Variants in TAS1R1 observed in about 807,000 individuals in gnomAD.
TAS1R1 encodes the protein taste receptor type 1 member 1.
A neutral mutation model predicts 45.8 loss-of-function variants in TAS1R1; 31 were observed. The ratio of observed to expected loss-of-function variants is 0.68; its 90% CI spans 0.51 to 0.91. The LOEUF (loss-of-function observed/expected upper bound fraction) is 0.91, where lower values mean the gene tolerates loss of function less well. TAS1R1 is among the 40% of genes least tolerant of loss of function. The probability of loss-of-function intolerance (pLI) is 0.00; values close to 1 mark genes in which losing one functional copy is unlikely to be tolerated. For missense variants in TAS1R1, 1,051 were observed against 1,063.9 expected, an observed-to-expected ratio of 0.99 and a Z score of 0.17; for synonymous variants, 437 against 448.4, an observed-to-expected ratio of 0.97 and a Z score of 0.32.
At chr1:6,559,836 G>A (rs556287539) in intron 1 of TAS1R1, among the ~76,000 whole-genome samples, 48 of 151,004 alleles carry the variant, frequency 3.2e-4, no homozygotes, top group African/African-American at 8.8e-4. Context: ...CTAAAAGTAC[G>A]AAAATGAGCT....
chr1:6,564,244 G>A (rs765520031), intron 1 of TAS1R1, among the ~76,000 whole-genome samples: 4 of 152,302 alleles, frequency 2.6e-5, no homozygotes, highest in African/African-American at 7.2e-5. Context: ...CCTGGGGCTG[G>A]TTGGGTTAAG....
chr1:6,562,411 A>C lies in TAS1R1; in HGVS notation c.191+6847A>C, dbSNP rs146592081. On this transcript the variant is annotated intron_variant, in intron 1 of 5. Transcript: ENST00000333172. The stretch of plus-strand genomic sequence containing the variant: ...TCTCAATCTCCCAACCTAGTGATCC[A>C]CTCGCCTCGGCCTCCCAAAGTGCTG... 3.5e-3 allele frequency among the ~76,000 whole-genome samples: 539 copies of C among 151,920 alleles called. 5 individuals carry two copies. In the East Asian group the frequency reaches 0.036, roughly 10 times the overall value.
At position 6,579,445 on chromosome 1, in the gene TAS1R1, G is replaced by C. The variant is rs1640320011; in HGVS notation, c.2387G>C (p.Gly796Ala). 2 of 1,614,048 alleles carry C rather than the reference G, an allele frequency of 1.2e-6. No homozygotes were observed. Among genetic ancestry groups the C allele is most frequent in the Non-Finnish European group, 1.7e-6 (2 of 1,180,040 alleles). ...KYLPAANMMA[G>A]LSSLSSGFGG... The stretch of plus-strand genomic sequence containing the variant: ...CTGCCTGCGGCCAACATGATGGCTG[G>C]GCTGAGCAGCCTGAGCAGCGGCTTC... The change falls in exon 6 of 6, where the codon GGG becomes GCG. Residue 796 changes from glycine (G) to alanine (A), a missense_variant. Coordinates refer to ENST00000333172, the MANE Select transcript of TAS1R1 (RefSeq NM_138697.4).
chr1:6,567,336 G>A (rs534858652), intron 1 of TAS1R1, among the ~76,000 whole-genome samples: 42 of 152,028 alleles, frequency 2.8e-4, no homozygotes, highest in African/African-American at 8.9e-4. Context: ...TGAGACGGGC[G>A]GATCATGAGG....
In TAS1R1 at chr1:6,579,312, T is replaced by C. The variant is rs143008193; in HGVS notation, c.2254T>C (p.Leu752=). 1 of 1,614,222 alleles carries C rather than the reference T, an allele frequency of 6.2e-7. No homozygotes were observed. Among genetic ancestry groups the C allele is most frequent in the Non-Finnish European group, 8.5e-7 (1 of 1,180,052 alleles). The change falls in exon 6 of 6, where the codon TTG becomes CTG. Residue 752 remains leucine, a synonymous_variant. Coordinates refer to ENST00000333172, the MANE Select transcript of TAS1R1 (RefSeq NM_138697.4). ...TGCCTGCAGCTACCTGGGTAAGGAC[T>C]TGCCAGAGAACTACAACGAGGCCAA... ...AFACSYLGKD[L]PENYNEAKCV...
At chr1:6,569,163 G>C (rs1184183952) in intron 1 of TAS1R1, among the ~76,000 whole-genome samples, 1 of 151,962 alleles carries the variant, frequency 6.6e-6, no homozygotes, top group African/African-American at 2.4e-5. Context: ...TGGGGGATTG[G>C]GGTGGTTTAA....
In TAS1R1 at chr1:6,579,195, C is replaced by T; in HGVS notation, c.2137C>T (p.Pro713Ser). 6.2e-7 allele frequency: 1 copy of T among 1,614,188 alleles called. No homozygotes were observed. The highest frequency in any genetic ancestry group is 1.1e-5 in the South Asian group (1 of 91,086). ...GCCTGCTAGGGAATACCAGCGCTTC[C>T]CCCATCTGGTGATGCTTGAGTGCAC... ...PLPAREYQRF[P>S]HLVMLECTET... The change falls in exon 6 of 6, where the codon CCC becomes TCC. Residue 713 changes from proline to serine, a missense_variant. Transcript: ENST00000333172.
intron 1 of TAS1R1, among the ~76,000 whole-genome samples, chr1:6,570,444 C>CAA (rs35825229): frequency 2.4e-3 from 241 of 98,412 alleles, no homozygotes; most frequent in South Asian, 0.013. Context: ...TAACACATCT[C>CAA]AAAAAAAAAA....
chr1:6,565,398 G>A (rs886086967), intron 1 of TAS1R1, among the ~76,000 whole-genome samples: 7 of 152,092 alleles, frequency 4.6e-5, no homozygotes, highest in Admixed American at 1.3e-4. Flanking sequence ...TAGGGTGGCC[G>A]CTGCTGCTAG....
chr1:6,564,918 G>C lies in TAS1R1; in HGVS notation c.192-5991G>C, dbSNP rs556662311. On this transcript the variant is annotated intron_variant, in intron 1 of 5. Coordinates refer to ENST00000333172, the MANE Select transcript of TAS1R1 (RefSeq NM_138697.4). ...TCCTCTGAGCTGATGTGTAGGGATG[G>C]GGGGAGCGGAGCGCCGCTTGGGAGG... Among the ~76,000 whole-genome samples the C allele has an allele frequency of 2.0e-5, 3 of 152,284 alleles. No homozygotes were observed. In the South Asian group the frequency reaches 6.2e-4, roughly 32 times the overall value.
intron 1 of TAS1R1, 42 bp from the exon 2 acceptor site, chr1:6,570,867 C>G (rs774811116): frequency 6.5e-7 from 1 of 1,548,364 alleles, no homozygotes. Context: ...TCTCAGCAGG[C>G]CTTTGTCCTT....
At position 6,579,588 on chromosome 1, in the gene TAS1R1, G is replaced by C; in HGVS notation, c.*4G>C. 1 of 1,596,722 alleles carries C rather than the reference G, an allele frequency of 6.3e-7. No homozygotes were observed. The highest frequency in any genetic ancestry group is 8.5e-7 in the Non-Finnish European group (1 of 1,173,328). On this transcript the variant is annotated 3_prime_UTR_variant, in exon 6 of 6. Coordinates refer to ENST00000333172, the MANE Select transcript of TAS1R1 (RefSeq NM_138697.4). Reference sequence around the variant, plus strand: ...GAGGCGCTGCGGCTCCACCTGACCAGTGGGTCAGCAGGCACGGCTGGCAGC... The same window carrying C: ...GAGGCGCTGCGGCTCCACCTGACCACTGGGTCAGCAGGCACGGCTGGCAGC...
chr1:6,573,753 C>T (rs1640082353), intron 2 of TAS1R1, among the ~76,000 whole-genome samples: 1 of 151,902 alleles, frequency 6.6e-6, no homozygotes, highest in Non-Finnish European at 1.5e-5. Context: ...AGCTCCGCCT[C>T]CCGGGTTCAC....
intron 1 of TAS1R1, among the ~76,000 whole-genome samples, chr1:6,561,121 G>T (rs1009117126): frequency 1.3e-5 from 2 of 152,144 alleles, no homozygotes; most frequent in African/African-American, 4.8e-5. Context: ...TAAAAACTGG[G>T]TAAGGAGATG....
chr1:6,578,304 G>C (rs1347317965), intron 5 of TAS1R1, among the ~76,000 whole-genome samples: 4 of 152,188 alleles, frequency 2.6e-5, no homozygotes, highest in Non-Finnish European at 5.9e-5. Context: ...GCTGGCAAGA[G>C]AGAGGGGTTA....
Position 6,576,736 on chromosome 1 carries a change from A to C in TAS1R1, c.1473+109A>C, listed in dbSNP as rs376648352. The C allele has an allele frequency of 1.6e-5, 22 of 1,408,392 alleles. No individual in the cohort carries two copies. The East Asian group carries it at 2.1e-4, about 14-fold the overall frequency. 87.2% of individuals were successfully genotyped at this position (1,408,392 alleles called of 1,614,324 possible). ...AGCAGGAGGGGGGCCCCAGGGGTCC[A>C]GCTGCCACCACTCTACCCATCCTGG... On this transcript the variant is annotated intron_variant, in intron 4 of 5. Coordinates refer to ENST00000333172, the MANE Select transcript of TAS1R1 (RefSeq NM_138697.4).
intron 1 of TAS1R1, among the ~76,000 whole-genome samples, chr1:6,562,613 C>T (rs558510672): frequency 1.3e-5 from 2 of 152,310 alleles, no homozygotes; most frequent in South Asian, 2.1e-4. Flanking sequence ...GTTCCTGTTG[C>T]GGTGGTAATT....
At chr1:6,576,813 C>A in intron 4 of TAS1R1, 137 bp from the exon 5 acceptor site, 1 of 1,454,926 alleles carries the variant, frequency 6.9e-7, no homozygotes, top group Non-Finnish European at 9.4e-7. Flanking sequence ...TGCCCTGGGG[C>A]GGAAGTTCAC....
chr1:6,565,611 G>T (rs559698876), intron 1 of TAS1R1, among the ~76,000 whole-genome samples: 4 of 152,198 alleles, frequency 2.6e-5, no homozygotes, highest in African/African-American at 9.6e-5. Context: ...GGCGTTTTTT[G>T]TTTGTTTGTT....
Sources: allele counts gnomAD v4.1 joint callset (sites outside exome capture counted in the v4.1 genomes callset), GRCh38; gene constraint gnomAD v4.1.1; transcripts MANE v1.5; gene names NCBI Gene and HGNC (gene_info 2026-07-23, HGNC 2026-07-21).